EPB41L3: variants seen among roughly 807,000 people sequenced by gnomAD.
The protein encoded by EPB41L3 is band 4.1-like protein 3.
Under a neutral mutation model 127.1 loss-of-function variants are expected in EPB41L3, and 57 were observed. The ratio of observed to expected loss-of-function variants is 0.45; its 90% CI spans 0.36 to 0.56. The LOEUF is 0.56. Ranked by LOEUF, EPB41L3 falls within the 20% of genes least tolerant of loss-of-function variation. The pLI is 0.00. For missense variants in EPB41L3, 1,273 were observed against 1,372.2 expected (o/e 0.93, Z 1.14); for synonymous variants, 572 against 549.5 (o/e 1.04, Z -0.57).
intron 3 of EPB41L3, among the ~76,000 whole-genome samples, chr18:5,462,571 C>T (rs186240204): frequency 5.9e-5 from 9 of 152,286 alleles, no homozygotes; most frequent in Non-Finnish European, 1.2e-4. Flanking sequence ...GGATCAGGTA[C>T]TCCCAGCTCA....
chr18:5,408,553 G>A (rs2144123440), intron 14 of EPB41L3, among the ~76,000 whole-genome samples: 1 of 152,024 alleles, frequency 6.6e-6, no homozygotes, highest in East Asian at 1.9e-4. Flanking sequence ...GGGATTACAG[G>A]AGTGAGCCAC....
chr18:5,410,443 A>G, intron 14 of EPB41L3, 123 bp downstream of exon 14: 1 of 683,246 alleles, frequency 1.5e-6, no homozygotes, highest in East Asian at 2.7e-5. Flanking sequence ...ATTTAACTCC[A>G]ACTGTTAAAG....
At chr18:5,396,727 TAAG>T (rs892299777) in intron 18 of EPB41L3, among the ~76,000 whole-genome samples, 54 of 152,342 alleles carry the variant, frequency 3.5e-4, no homozygotes, top group African/African-American at 1.3e-3. Flanking sequence ...AGTGCACTGA[TAAG>T]AAATAAATGT....
chr18:5,427,006 T>G (rs1018016021), intron 9 of EPB41L3, among the ~76,000 whole-genome samples: 1 of 152,142 alleles, frequency 6.6e-6, no homozygotes, highest in Non-Finnish European at 1.5e-5. Context: ...ATGTTTCAAT[T>G]TTTTTGTTAT....
At position 5,422,469 on chromosome 18, in the gene EPB41L3, T is replaced by G. The variant is rs1274729830; in HGVS notation, c.1339+909A>C. On this transcript the variant is annotated intron_variant, in intron 11 of 22. Coordinates refer to ENST00000341928, the MANE Select transcript of EPB41L3 (RefSeq NM_012307.5). ...CCATGCACTTGTAACTTTTGTTTAT[T>G]TTTATTTATGTTTTTCCTTATTATT... 2.0e-5 allele frequency among the ~76,000 whole-genome samples: 3 copies of G among 150,726 alleles called. No individual in the cohort carries two copies. In the East Asian group the frequency reaches 5.8e-4, roughly 29 times the overall value.
At chr18:5,437,935 T>A in intron 6 of EPB41L3, 100 bp downstream of exon 6, 1 of 1,034,888 alleles carries the variant, frequency 9.7e-7, no homozygotes, top group Non-Finnish European at 1.4e-6. Context: ...GCGTGGATGA[T>A]TGTAAGGCTA....
At chr18:5,416,425 G>A (rs2076837079) in intron 12 of EPB41L3, 47 bp from the exon 13 acceptor site, 2 of 1,526,956 alleles carry the variant, frequency 1.3e-6, no homozygotes. Context: ...AAACAGAGGT[G>A]CAAAAGGACA....
chr18:5,622,809 A>G (rs553936037), intron 1 of EPB41L3, among the ~76,000 whole-genome samples: 11 of 152,296 alleles, frequency 7.2e-5, no homozygotes, highest in African/African-American at 2.6e-4. Flanking sequence ...AGGGGGAAAG[A>G]AGTATGTTTT....
In EPB41L3 at chr18:5,478,469, T is replaced by C. The variant is rs368373294; in HGVS notation, c.184-31A>G. The C allele has an allele frequency of 7.4e-5, 119 of 1,608,720 alleles. No homozygotes were observed. The Middle Eastern group carries it at 1.5e-3, about 20-fold the overall frequency. ...AAGAGCAAACAATCAACAGTTTTCA[T>C]TGCAAGGTGGGAAATAAATATTGCA... On this transcript the variant is annotated intron_variant, in intron 2 of 22. Coordinates refer to ENST00000341928, the MANE Select transcript of EPB41L3 (RefSeq NM_012307.5).
intron 3 of EPB41L3, among the ~76,000 whole-genome samples, chr18:5,456,439 T>C (rs962348532): frequency 2.0e-5 from 3 of 152,204 alleles, no homozygotes; most frequent in Non-Finnish European, 4.4e-5. Context: ...AATGATCTTA[T>C]AATCTATGTA....
At chr18:5,399,445 A>T (rs901596263) in intron 16 of EPB41L3, 12 of 397,896 alleles carry the variant, frequency 3.0e-5, no homozygotes, top group Non-Finnish European at 4.9e-5. Context: ...TTCTAAAATA[A>T]GAATCCTTTA....
intron 3 of EPB41L3, among the ~76,000 whole-genome samples, chr18:5,550,704 T>C (rs1310815138): frequency 6.6e-6 from 1 of 152,192 alleles, no homozygotes; most frequent in East Asian, 1.9e-4. Context: ...CAAAATCAGC[T>C]ATAAATTCCT....
In EPB41L3 at chr18:5,517,158, A is replaced by G. The variant is rs142816579; in HGVS notation, c.-12+26755T>C. On this transcript the variant is annotated intron_variant, in intron 1 of 22. Coordinates refer to ENST00000341928, the MANE Select transcript of EPB41L3 (RefSeq NM_012307.5). The stretch of plus-strand genomic sequence containing the variant: ...AGTCTCTGGCACATAGGAGGCACTC[A>G]ATATTTGTCAATGGATGAATGAACA... 4.2e-3 allele frequency among the ~76,000 whole-genome samples: 641 copies of G among 152,256 alleles called. 1 individual carries two copies. Among genetic ancestry groups the G allele is most frequent in the African/African-American group, 0.015 (608 of 41,548 alleles).
chr18:5,626,089 C>T (rs2094920719), intron 1 of EPB41L3, among the ~76,000 whole-genome samples: 1 of 152,130 alleles, frequency 6.6e-6, no homozygotes, highest in Non-Finnish European at 1.5e-5. Flanking sequence ...CTCACTCTCT[C>T]ATTATTTAGG....
intron 3 of EPB41L3, among the ~76,000 whole-genome samples, chr18:5,466,746 G>T (rs12962743): frequency 0.31 from 46,723 of 152,034 alleles, 7,764 homozygotes; most frequent in East Asian, 0.47. Flanking sequence ...AAAAAGAGAT[G>T]ATCAAAAACT....
At chr18:5,529,408 C>T (rs1480823044) in intron 1 of EPB41L3, among the ~76,000 whole-genome samples, 3 of 152,160 alleles carry the variant, frequency 2.0e-5, no homozygotes, top group African/African-American at 7.2e-5. Flanking sequence ...GGTCCCCCCT[C>T]TGTGCGCACC....
At chr18:5,605,808 G>GCACA (rs934984659) in intron 3 of EPB41L3, among the ~76,000 whole-genome samples, 12 of 152,112 alleles carry the variant, frequency 7.9e-5, no homozygotes, top group Admixed American at 6.5e-5. Flanking sequence ...TGTGAGAAAG[G>GCACA]CACACACCAG....
chr18:5,439,113 C>G (rs2080293189), intron 5 of EPB41L3, among the ~76,000 whole-genome samples: 1 of 152,058 alleles, frequency 6.6e-6, no homozygotes. Context: ...GTTCCCTCTA[C>G]CCAAGAGGTA....
At chr18:5,613,413 T>C (rs2144077293) in intron 2 of EPB41L3, among the ~76,000 whole-genome samples, 1 of 152,326 alleles carries the variant, frequency 6.6e-6, no homozygotes, top group South Asian at 2.1e-4. Flanking sequence ...AGACGAGGAA[T>C]GTCCAAATGC....
Sources: allele counts gnomAD v4.1 joint callset (sites outside exome capture counted in the v4.1 genomes callset), GRCh38; gene constraint gnomAD v4.1.1; transcripts MANE v1.5; gene names NCBI Gene and HGNC (gene_info 2026-07-23, HGNC 2026-07-21).